The following ASB11 variants were observed in gnomAD, a reference collection of about 807,000 sequenced individuals.
ASB11 encodes the protein ankyrin repeat and SOCS box containing 11.
A neutral mutation model predicts 20.1 loss-of-function variants in ASB11; 17 were observed. The observed-to-expected ratio is 0.85, with a 90% CI of 0.58 to 1.27. The LOEUF is 1.27. Among genes scored for constraint, ASB11 ranks in the 50% most tolerant of loss-of-function variants. The pLI is 0.00. For missense variants in ASB11, 259 were observed against 256.9 expected (o/e 1.01, Z -0.06); for synonymous variants, 107 against 105.6 (o/e 1.01, Z -0.08).
At chrX:15,304,115 C>T (rs1321575434) in intron 1 of ASB11, among the ~76,000 whole-genome samples, 3 of 112,913 alleles carry the variant, frequency 2.7e-5, no homozygotes, top group African/African-American at 9.6e-5. Flanking sequence ...GCTCCTCAAC[C>T]TCTTGTGGGT....
Position 15,287,952 on chromosome X carries a change from G to C in ASB11, c.776C>G (p.Ala259Gly), listed in dbSNP as rs372168670. 6 of 1,210,629 alleles carry C rather than the reference G, an allele frequency of 5.0e-6. No individual in the cohort carries two copies. In the African/African-American group the frequency reaches 8.7e-5, roughly 18 times the overall value. Residue 259 changes from alanine to glycine, a missense_variant, in exon 6 of 7, where the codon GCT becomes GGT. Ala to Gly is a moderately conservative substitution (Grantham distance 60). Coordinates refer to ENST00000480796, the MANE Select transcript of ASB11 (RefSeq NM_080873.3). ...DYGANLKRRN[A>G]QGKSALDLAA... ...CAGATCAAGCGCACTTTTGCCCTGA[G>C]CATTTCTACGCTTCAGGTTAGCTCC...
intron 1 of ASB11, among the ~76,000 whole-genome samples, chrX:15,310,189 C>A (rs928543630): frequency 5.5e-5 from 6 of 109,930 alleles, no homozygotes; most frequent in Non-Finnish European, 1.1e-4. Context: ...TCTTACCATT[C>A]TCATTTTGCA....
At chrX:15,289,389 C>A in intron 5 of ASB11, 115 bp downstream of exon 5, 1 of 857,821 alleles carries the variant, frequency 1.2e-6, no homozygotes, top group Admixed American at 3.3e-5. Flanking sequence ...TTTTAGCATT[C>A]AAACATAAAA....
intron 1 of ASB11, among the ~76,000 whole-genome samples, chrX:15,311,212 T>C (rs1004380261): frequency 8.9e-6 from 1 of 112,593 alleles, no homozygotes; most frequent in Admixed American, 9.4e-5. Context: ...CTCCAGAATG[T>C]CCAGTCCTAG....
rs1927240536 is a variant in ASB11, at chrX:15,283,292, T to G, written c.*213A>C. 2.6e-6 allele frequency: 1 copy of G among 383,358 alleles called. No homozygotes were observed. Among genetic ancestry groups the G allele is most frequent in the Admixed American group, 4.4e-5 (1 of 22,658 alleles). The allele number at this position is 383,358 out of a possible 1,213,427, so 31.6% of individuals were successfully genotyped here. A position where few individuals can be genotyped will look rare whatever the true frequency, so the allele number is the denominator to read the frequency against. ...TTTCTTAACAACAAGAGCTAAAAGC[T>G]AAATGGTTTCTACTTGCCCCTTGGT... On this transcript the variant is annotated 3_prime_UTR_variant, in exon 7 of 7. Coordinates refer to ENST00000480796, the MANE Select transcript of ASB11 (RefSeq NM_080873.3).
chrX:15,315,363 T>A lies in ASB11; in HGVS notation c.181+62A>T. On this transcript the variant is annotated intron_variant, in intron 1 of 6. Transcript: ENST00000480796. ...ATAATCTGCCTTCCAGAAATACTAG[T>A]CATATGAATTATCTAGGAGGGATTT... 1.5e-5 allele frequency: 13 copies of A among 896,132 alleles called. No individual in the cohort carries two copies. The South Asian group carries it at 6.2e-4, about 43-fold the overall frequency. 73.9% of individuals were successfully genotyped at this position (896,132 alleles called of 1,213,427 possible).
Position 15,304,613 on chromosome X carries a change from C to T in ASB11, c.182-1806G>A, listed in dbSNP as rs1921176209. Among the ~76,000 whole-genome samples the T allele has an allele frequency of 2.7e-5, 3 of 112,439 alleles. No individual in the cohort carries two copies. In the South Asian group the frequency reaches 1.1e-3, roughly 41 times the overall value. Reference sequence around the variant, plus strand: ...AGAAAGTAAGAAAGTGCTGGCCAGGCTCACGCCTGTAATCCCAGCACTTTG... The same window carrying T: ...AGAAAGTAAGAAAGTGCTGGCCAGGTTCACGCCTGTAATCCCAGCACTTTG... On this transcript the variant is annotated intron_variant, in intron 1 of 6. Transcript: ENST00000480796.
chrX:15,299,391 T>G (rs771773967), intron 2 of ASB11, among the ~76,000 whole-genome samples: 15 of 111,903 alleles, frequency 1.3e-4, no homozygotes, highest in African/African-American at 4.5e-4. Flanking sequence ...ATAGACAGAT[T>G]GAAAATTTTT....
intron 1 of ASB11, among the ~76,000 whole-genome samples, chrX:15,308,986 A>G (rs1258188498): frequency 9.0e-6 from 1 of 111,338 alleles, no homozygotes; most frequent in Admixed American, 9.6e-5. Flanking sequence ...GTGCAATCTC[A>G]GCTTACTGCA....
At chrX:15,302,203 G>C (rs934098959) in intron 2 of ASB11, among the ~76,000 whole-genome samples, 1 of 111,488 alleles carries the variant, frequency 9.0e-6, no homozygotes, top group South Asian at 3.8e-4. Context: ...GATCCTGCCC[G>C]CCTTGAGCCA....
chrX:15,283,394 C>T lies in ASB11; in HGVS notation c.*111G>A. 9.9e-7 allele frequency: 1 copy of T among 1,011,763 alleles called. No homozygotes were observed. The highest frequency in any genetic ancestry group is 1.9e-5 in the African/African-American group (1 of 53,608). 83.4% of individuals were successfully genotyped at this position (1,011,763 alleles called of 1,213,427 possible). On this transcript the variant is annotated 3_prime_UTR_variant, in exon 7 of 7. Transcript: ENST00000480796. ...TCATGGGGGATTTACTTCGACTGAG[C>T]TCATTTAAAGATACTAGGAGTCTAA... is the stretch of plus-strand genomic sequence containing the variant.
intron 1 of ASB11, among the ~76,000 whole-genome samples, chrX:15,308,484 A>AG (rs1390993769): frequency 2.2e-4 from 25 of 111,646 alleles, no homozygotes; most frequent in African/African-American, 7.2e-4. Context: ...CTCTAAGCAG[A>AG]TTTCCAACTT....
At chrX:15,294,252 A>G (rs1920951637) in intron 3 of ASB11, among the ~76,000 whole-genome samples, 1 of 111,571 alleles carries the variant, frequency 9.0e-6, no homozygotes, top group Admixed American at 9.5e-5. Context: ...CCATTGAAAT[A>G]TAGGACAGTC....
At position 15,308,992 on chromosome X, in the gene ASB11, C is replaced by T. The variant is rs180771374; in HGVS notation, c.182-6185G>A. ...AGTGCAGTGGTGCAATCTCAGCTTA[C>T]TGCAACCTCTGCCTCCCAGGTTCAA... On this transcript the variant is annotated intron_variant, in intron 1 of 6. Coordinates refer to ENST00000480796, the MANE Select transcript of ASB11 (RefSeq NM_080873.3). 7.2e-5 allele frequency among the ~76,000 whole-genome samples: 8 copies of T among 111,640 alleles called. No individual in the cohort carries two copies. The East Asian group carries it at 1.7e-3, about 24-fold the overall frequency.
intron 4 of ASB11, among the ~76,000 whole-genome samples, chrX:15,290,237 C>T (rs962815664): frequency 6.3e-5 from 7 of 110,732 alleles, no homozygotes; most frequent in Admixed American, 1.9e-4. Flanking sequence ...CAGTTGAAAT[C>T]ACTCTCCAGA....
intron 3 of ASB11, among the ~76,000 whole-genome samples, chrX:15,294,423 T>A (rs1258868756): frequency 2.7e-5 from 3 of 112,191 alleles, no homozygotes; most frequent in Non-Finnish European, 3.8e-5. Context: ...CAGGCTGGAG[T>A]GCAGTGTCAT....
intron 1 of ASB11, among the ~76,000 whole-genome samples, chrX:15,303,136 G>A (rs183364991): frequency 3.6e-5 from 4 of 110,732 alleles, no homozygotes; most frequent in African/African-American, 6.6e-5. Flanking sequence ...CAAAATGAAG[G>A]GCCAAGAAAG....
chrX:15,300,401 T>TATGGGTTTAATGTTTTACTCAC (rs1921027387), intron 2 of ASB11, among the ~76,000 whole-genome samples: 1 of 112,869 alleles, frequency 8.9e-6, no homozygotes, highest in African/African-American at 3.2e-5. Context: ...GTTTTACTCA[T>TATGGGTTTAATGTTTTACTCAC]ATCGGTTTAA....
At chrX:15,286,663 C>CAAAA (rs764801887) in intron 6 of ASB11, among the ~76,000 whole-genome samples, 74 of 54,367 alleles carry the variant, frequency 1.4e-3, no homozygotes, top group South Asian at 7.3e-3. Context: ...GACTCCATCT[C>CAAAA]AAAAAAAAAA....
Sources: allele counts gnomAD v4.1 joint callset (sites outside exome capture counted in the v4.1 genomes callset), GRCh38; gene constraint gnomAD v4.1.1; transcripts MANE v1.5; gene names NCBI Gene and HGNC (gene_info 2026-07-23, HGNC 2026-07-21).